MED12L: variants seen among roughly 807,000 people sequenced by gnomAD.
MED12L encodes mediator of RNA polymerase II transcription subunit 12-like protein.
MED12L carries 60 observed loss-of-function variants against 281.3 expected under a neutral mutation model. The observed-to-expected ratio is 0.21, with a 90% confidence interval of 0.17 to 0.26. The LOEUF (loss-of-function observed/expected upper bound fraction) is 0.26, where lower values mean the gene tolerates loss of function less well. MED12L is among the 10% of genes least tolerant of loss of function. The pLI, the probability that MED12L is intolerant of heterozygous loss-of-function variation, is 1.00. For missense variants in MED12L, 2,146 were observed against 2,680.9 expected, an observed-to-expected ratio of 0.80 and a Z score of 4.41; for synonymous variants, 974 against 987.2, an observed-to-expected ratio of 0.99 and a Z score of 0.25.
intron 16 of MED12L, among the ~76,000 whole-genome samples, chr3:151,280,878 A>G (rs896762273): frequency 6.6e-6 from 1 of 151,870 alleles, no homozygotes; most frequent in African/African-American, 2.4e-5. Context: ...CAAGTAAGAA[A>G]ATAGAGCCTC....
intron 26 of MED12L, among the ~76,000 whole-genome samples, chr3:151,371,927 C>G (rs1756236026): frequency 1.3e-5 from 2 of 152,164 alleles, no homozygotes; most frequent in South Asian, 4.1e-4. Context: ...CTTCATTTCA[C>G]TAAGTATACT....
At chr3:151,327,386 C>T (rs1253886764) in intron 16 of MED12L, 1 of 152,154 alleles carries the variant, frequency 6.6e-6, no homozygotes, top group Non-Finnish European at 1.5e-5. Flanking sequence ...AATAATGGTG[C>T]TTGTGCCTCC....
At chr3:151,415,238 A>G (rs936301460) in intron 42 of MED12L, among the ~76,000 whole-genome samples, 2 of 152,232 alleles carry the variant, frequency 1.3e-5, no homozygotes, top group Non-Finnish European at 2.9e-5. Context: ...CATCATCAAC[A>G]CATTCTTCCC....
intron 16 of MED12L, among the ~76,000 whole-genome samples, chr3:151,194,960 C>T (rs1724450063): frequency 6.6e-6 from 1 of 152,148 alleles, no homozygotes; most frequent in South Asian, 2.1e-4. Flanking sequence ...GTCAGGAGAT[C>T]GAGACCATCC....
At chr3:151,311,949 G>A (rs1157996628) in intron 16 of MED12L, among the ~76,000 whole-genome samples, 1 of 151,810 alleles carries the variant, frequency 6.6e-6, no homozygotes, top group African/African-American at 2.4e-5. Context: ...GTTCGAACCT[G>A]GGAGGCGGAG....
intron 16 of MED12L, among the ~76,000 whole-genome samples, chr3:151,222,046 A>G (rs765453381): frequency 6.6e-6 from 1 of 152,244 alleles, no homozygotes; most frequent in Non-Finnish European, 1.5e-5. Flanking sequence ...CATGGAGTCA[A>G]AGGAGATCGT....
intron 32 of MED12L, among the ~76,000 whole-genome samples, chr3:151,381,965 T>A (rs1409162973): frequency 3.3e-5 from 5 of 152,304 alleles, no homozygotes; most frequent in South Asian, 4.1e-4. Context: ...AGGGTTTTTG[T>A]TAGTGGTTTT....
At chr3:151,240,452 G>C (rs939152463) in intron 16 of MED12L, among the ~76,000 whole-genome samples, 3 of 152,202 alleles carry the variant, frequency 2.0e-5, no homozygotes, top group African/African-American at 7.2e-5. Context: ...CCAGGTACTA[G>C]CATGTCTTGT....
At chr3:151,261,929 G>C (rs564229411) in intron 16 of MED12L, among the ~76,000 whole-genome samples, 53 of 152,154 alleles carry the variant, frequency 3.5e-4, no homozygotes, top group African/African-American at 1.2e-3. Flanking sequence ...GTTTCACCAC[G>C]TTGGCCAGGC....
At position 151,229,624 on chromosome 3, in the gene MED12L, G is replaced by A. The variant is rs577256832; in HGVS notation, c.2250+35958G>A. Among the ~76,000 whole-genome samples the A allele has an allele frequency of 9.9e-5, 15 of 151,642 alleles. No individual in the cohort carries two copies. The South Asian group carries it at 2.1e-3, about 21-fold the overall frequency. On this transcript the variant is annotated intron_variant, in intron 16 of 44. Transcript: ENST00000687756. ...CTCCCTAGTAGCTGGGACTACAGGC[G>A]CCCACCACCATGCCTGGCTTATTTT...
chr3:151,308,765 G>A (rs887405450), intron 16 of MED12L, among the ~76,000 whole-genome samples: 4 of 152,088 alleles, frequency 2.6e-5, no homozygotes, highest in African/African-American at 4.8e-5. Context: ...AGTTTTCTGG[G>A]CTGTGGGATA....
rs544443161 is a variant in MED12L at position 151,287,764 on chromosome 3, A to G, written c.2251-62295A>G. On this transcript the variant is annotated intron_variant, in intron 16 of 44. Transcript: ENST00000687756. ...ACTGATGAGCACTGTGTAAGATTTG[A>G]TCATTATCACTATTTTTAACTTGCC... 3.3e-3 allele frequency among the ~76,000 whole-genome samples: 496 copies of G among 152,318 alleles called. 2 individuals are homozygous for G. Among genetic ancestry groups the G allele is most frequent in the Non-Finnish European group, 5.7e-3 (390 of 68,032 alleles).
At chr3:151,269,640 G>T in intron 16 of MED12L, 1 of 393,034 alleles carries the variant, frequency 2.5e-6, no homozygotes, top group South Asian at 2.2e-5. Flanking sequence ...TGTATTATTT[G>T]ACGAGTTGAA....
At chr3:151,383,044 T>G (rs1443288246) in intron 33 of MED12L, among the ~76,000 whole-genome samples, 6 of 152,236 alleles carry the variant, frequency 3.9e-5, no homozygotes, top group Non-Finnish European at 5.9e-5. Flanking sequence ...CTGAGAAGAC[T>G]GTTATAAGTG....
Position 151,416,341 on chromosome 3 carries a change from G to A in MED12L, c.6327G>A (p.Gln2109=), listed in dbSNP as rs369769385. 8 of 1,236,942 alleles carry A rather than the reference G, an allele frequency of 6.5e-6. No homozygotes were observed. The highest frequency in any genetic ancestry group is 4.6e-5 in the African/African-American group (3 of 64,556). 76.6% of individuals were successfully genotyped at this position (1,236,942 alleles called of 1,614,324 possible). Residue 2109 remains glutamine (Q), a synonymous_variant, in exon 43 of 45, where the codon CAG becomes CAA. Coordinates refer to ENST00000687756, the MANE Select transcript of MED12L (RefSeq NM_001393769.1). Reference sequence around the variant, plus strand: ...AGCAGCCCCAGCAGCCCCAGCCCCAGCAGCCTCCCCAGCCCCAGCAGTCCT... The same window carrying A: ...AGCAGCCCCAGCAGCCCCAGCCCCAACAGCCTCCCCAGCCCCAGCAGTCCT... ...QMQQPQQPQP[Q]QPPQPQQSSQ...
At chr3:151,198,555 G>A (rs759157815) in intron 16 of MED12L, 3 of 1,614,084 alleles carry the variant, frequency 1.9e-6, no homozygotes, top group Middle Eastern at 1.6e-4. Flanking sequence ...TCAAAGCACA[G>A]GTTCGACACA....
At chr3:151,099,218 G>C (rs1721106635) in intron 2 of MED12L, among the ~76,000 whole-genome samples, 1 of 152,190 alleles carries the variant, frequency 6.6e-6, no homozygotes, top group African/African-American at 2.4e-5. Flanking sequence ...GAATCAATAA[G>C]GTGAATATGT....
At chr3:151,188,526 G>A in intron 13 of MED12L, 46 bp downstream of exon 13, 1 of 1,503,882 alleles carries the variant, frequency 6.6e-7, no homozygotes, top group Non-Finnish European at 8.9e-7. Context: ...ATAAGGGATT[G>A]ATTTTTTTTT....
chr3:151,115,100 A>G (rs1712516904), intron 2 of MED12L, among the ~76,000 whole-genome samples: 3 of 152,292 alleles, frequency 2.0e-5, no homozygotes, highest in South Asian at 4.2e-4. Flanking sequence ...AAGTGAGCCA[A>G]AATACGTGAG....
Sources: allele counts gnomAD v4.1 joint callset (sites outside exome capture counted in the v4.1 genomes callset), GRCh38; gene constraint gnomAD v4.1.1; transcripts MANE v1.5; gene names NCBI Gene and HGNC (gene_info 2026-07-23, HGNC 2026-07-21).